Variants in IFT140 observed in about 807,000 individuals in gnomAD.
The protein encoded by IFT140 is intraflagellar transport 140.
A neutral mutation model predicts 164.6 loss-of-function variants in IFT140; 133 were observed. That is an observed-to-expected ratio of 0.81 (90% confidence interval 0.70 to 0.93). The LOEUF (loss-of-function observed/expected upper bound fraction) is 0.93, where lower values mean the gene tolerates loss of function less well. IFT140 is among the 40% of genes least tolerant of loss of function. The pLI is 0.00. For missense variants in IFT140, 2,045 were observed against 1,972.3 expected, an observed-to-expected ratio of 1.04 and a Z score of -0.70; for synonymous variants, 860 against 817.3, an observed-to-expected ratio of 1.05 and a Z score of -0.89.
intron 19 of IFT140, among the ~76,000 whole-genome samples, chr16:1,529,739 C>T (rs1382872622): frequency 3.3e-5 from 5 of 152,208 alleles, no homozygotes; most frequent in Admixed American, 3.3e-4. Flanking sequence ...TAAAAATCCA[C>T]GTGGAAGGAC....
chr16:1,602,622 T>C (rs2035855371), intron 3 of IFT140, 31 bp from the exon 4 acceptor site: 3 of 1,588,932 alleles, frequency 1.9e-6, no homozygotes, highest in African/African-American at 1.3e-5. Flanking sequence ...ATTCCCACAG[T>C]TCAGAGAGGG....
Position 1,586,265 on chromosome 16 carries a change from G to A in IFT140, c.1020C>T (p.Ala340=), listed in dbSNP as rs777539406. 15 of 1,612,468 alleles carry A rather than the reference G, an allele frequency of 9.3e-6. No individual in the cohort carries two copies. The highest frequency in any genetic ancestry group is 1.2e-5 in the Non-Finnish European group (14 of 1,179,408). ...CTACTCGCCCTCTGTCGGTACCAGC[G>A]GCCAGAAGACCTACAGGTAGAAACA... ...VCYCKVKGLL[A]AGTDRGRVAM... Residue 340 remains alanine (A), a synonymous_variant, in exon 10 of 31, where the codon GCC becomes GCT. Transcript: ENST00000426508.
At chr16:1,567,303 C>G (rs977880707) in intron 15 of IFT140, among the ~76,000 whole-genome samples, 16 of 152,184 alleles carry the variant, frequency 1.1e-4, no homozygotes, top group Non-Finnish European at 2.4e-4. Flanking sequence ...TCCTTCTGCC[C>G]TGAGGTGAAA....
At chr16:1,601,493 T>C (rs2035793947) in intron 4 of IFT140, among the ~76,000 whole-genome samples, 1 of 152,152 alleles carries the variant, frequency 6.6e-6, no homozygotes, top group Non-Finnish European at 1.5e-5. Context: ...TCTAAGCATG[T>C]AGGGCTGAAG....
At chr16:1,542,893 C>T (rs966220270) in intron 19 of IFT140, among the ~76,000 whole-genome samples, 2 of 152,216 alleles carry the variant, frequency 1.3e-5, no homozygotes, top group African/African-American at 2.4e-5. Context: ...GAAGACCTGG[C>T]GTCATAGAGG....
chr16:1,573,493 T>C (rs2034124375), intron 13 of IFT140, among the ~76,000 whole-genome samples: 1 of 151,974 alleles, frequency 6.6e-6, no homozygotes, highest in African/African-American at 2.4e-5. Context: ...AACTGTCTCT[T>C]AGACACCCCT....
At position 1,587,282 on chromosome 16, in the gene IFT140, C is replaced by T. The variant is rs141993646; in HGVS notation, c.925G>A (p.Glu309Lys). The change falls in exon 9 of 31, where the codon GAG becomes AAG. Residue 309 changes from glutamate to lysine, a missense_variant. Coordinates refer to ENST00000426508, the MANE Select transcript of IFT140 (RefSeq NM_014714.4). ...TCATCTGGACTCAGTATATAATTCT[C>T]TCCTCGTTCTATGTCCCAGAATCTA... is the stretch of plus-strand genomic sequence containing the variant. ...ALRFWDIERG[E>K]NYILSPDEKF... 2.5e-4 allele frequency: 408 copies of T among 1,611,588 alleles called. 3 individuals are homozygous for T. The highest frequency in any genetic ancestry group is 3.3e-4 in the Middle Eastern group (2 of 6,082).
In IFT140 at chr16:1,520,313, T is replaced by A. The variant is rs1350571350; in HGVS notation, c.3691A>T (p.Thr1231Ser). 6.2e-7 allele frequency: 1 copy of A among 1,614,202 alleles called. No homozygotes were observed. Among genetic ancestry groups the A allele is most frequent in the Non-Finnish European group, 8.5e-7 (1 of 1,180,044 alleles). The change falls in exon 28 of 31, where the codon ACG becomes TCG. Residue 1231 changes from threonine (T) to serine (S), a missense_variant. Coordinates refer to ENST00000426508, the MANE Select transcript of IFT140 (RefSeq NM_014714.4). ...CTCGCGAAGAACGTGATTTTCTCCG[T>A]GTCTCCGGATTTGAGCAGCGCCCTC... is the stretch of plus-strand genomic sequence containing the variant. Reference protein sequence around the residue: ...AMRALLKSGDTEKITFFASVS... With the variant: ...AMRALLKSGDSEKITFFASVS...
At chr16:1,600,251 G>A (rs1398608756) in intron 4 of IFT140, among the ~76,000 whole-genome samples, 1 of 145,320 alleles carries the variant, frequency 6.9e-6, no homozygotes, top group Non-Finnish European at 1.5e-5. Flanking sequence ...ATGCTTGAAG[G>A]CAGCATGCTC....
Position 1,523,521 on chromosome 16 carries a change from C to G in IFT140, c.3450G>C (p.Arg1150Ser), listed in dbSNP as rs1199385143. The G allele has an allele frequency of 1.2e-6, 2 of 1,610,470 alleles. No individual in the cohort carries two copies. Among genetic ancestry groups the G allele is most frequent in the Non-Finnish European group, 1.7e-6 (2 of 1,179,574 alleles). Residue 1150 changes from arginine (R) to serine (S), a missense_variant, in exon 26 of 31, where the codon AGG becomes AGC. Arg to Ser is a moderately radical substitution (Grantham distance 110, BLOSUM62 -1). Transcript: ENST00000426508. Reference sequence around the variant, plus strand: ...CCAGGCCCCGCTGGCCCCGTACCTTCCTGGCAGCCAGCAGCAGCTCTACCG... The same window carrying G: ...CCAGGCCCCGCTGGCCCCGTACCTTGCTGGCAGCCAGCAGCAGCTCTACCG... ...ERAVELLLAA[R>S]KYQEALQLCL...
intron 13 of IFT140, chr16:1,579,146 A>G (rs1218562292): frequency 1.3e-5 from 2 of 152,220 alleles, no homozygotes; most frequent in African/African-American, 2.4e-5. Flanking sequence ...TTTTTCTCAC[A>G]ATAAAGTCAC....
chr16:1,530,133 CTTTTTTTTTTT>C (rs922819138), intron 19 of IFT140, among the ~76,000 whole-genome samples: 10 of 88,586 alleles, frequency 1.1e-4, no homozygotes, highest in Non-Finnish European at 1.6e-4. Context: ...CGACGGGAAT[CTTTTTTTTTTT>C]TTTTTTTTTT....
intron 2 of IFT140, among the ~76,000 whole-genome samples, chr16:1,607,852 C>T (rs743964): frequency 0.053 from 8,005 of 152,260 alleles, 438 homozygotes; most frequent in Admixed American, 0.17. Flanking sequence ...TACTATGTTG[C>T]CCAGGCTGGT....
chr16:1,543,477 G>C (rs2031850749), intron 19 of IFT140, among the ~76,000 whole-genome samples: 2 of 152,354 alleles, frequency 1.3e-5, no homozygotes, highest in South Asian at 4.1e-4. Context: ...GGGCGGGAAG[G>C]GAGGGGCCTC....
At chr16:1,536,821 G>A (rs1405197669) in intron 19 of IFT140, among the ~76,000 whole-genome samples, 1 of 152,166 alleles carries the variant, frequency 6.6e-6, no homozygotes, top group African/African-American at 2.4e-5. Context: ...CTCTCCCACG[G>A]GGTGGCCCCT....
intron 2 of IFT140, among the ~76,000 whole-genome samples, chr16:1,608,892 A>G (rs1430411139): frequency 1.3e-5 from 2 of 152,082 alleles, no homozygotes; most frequent in African/African-American, 4.8e-5. Context: ...ATGGTGGCTC[A>G]TGCCTGTAAT....
Position 1,562,129 on chromosome 16 carries a change from G to T in IFT140, c.2068-13C>A. 8.9e-6 allele frequency: 14 copies of T among 1,566,676 alleles called. No homozygotes were observed. Among genetic ancestry groups the T allele is most frequent in the Non-Finnish European group, 1.1e-5 (13 of 1,159,666 alleles). On this transcript the variant is annotated splice_polypyrimidine_tract_variant and intron_variant, in intron 17 of 30. Transcript: ENST00000426508. ...TCAAAACATCTGCCTGGGAGAGAAA[G>T]AAAAGTACTGTTCTGTTTTTTTTTT...
intron 19 of IFT140, chr16:1,534,477 G>T (rs2030850126): frequency 6.2e-7 from 1 of 1,610,790 alleles, no homozygotes; most frequent in Non-Finnish European, 8.5e-7. Context: ...AGCCGGCCAG[G>T]TGGACGCACA....
chr16:1,611,224 G>A (rs1239226378), intron 1 of IFT140, among the ~76,000 whole-genome samples: 1 of 152,202 alleles, frequency 6.6e-6, no homozygotes, highest in Non-Finnish European at 1.5e-5. Context: ...AAAGCAGCTG[G>A]CGGCCGGACG....
Sources: allele counts gnomAD v4.1 joint callset (sites outside exome capture counted in the v4.1 genomes callset), GRCh38; gene constraint gnomAD v4.1.1; transcripts MANE v1.5; gene names NCBI Gene and HGNC (gene_info 2026-07-23, HGNC 2026-07-21).